TSPAN18: variants seen among roughly 807,000 people sequenced by gnomAD.
The protein encoded by TSPAN18 is tetraspanin-18.
A neutral mutation model predicts 27.3 loss-of-function variants in TSPAN18; 14 were observed. That is an observed-to-expected ratio of 0.51 (90% CI 0.34 to 0.80). TSPAN18 has a LOEUF of 0.80. TSPAN18 is among the 30% of genes least tolerant of loss of function. The pLI is 0.01. For synonymous variants in TSPAN18, 143 were observed against 136.5 expected, an observed-to-expected ratio of 1.05 and a Z score of -0.33; for missense variants, 268 against 323.9, an observed-to-expected ratio of 0.83 and a Z score of 1.32.
intron 5 of TSPAN18, among the ~76,000 whole-genome samples, chr11:44,916,154 GAC>G (rs1859900749): frequency 2.0e-5 from 3 of 152,174 alleles, no homozygotes; most frequent in Admixed American, 1.3e-4. Flanking sequence ...GTGCTGAATG[GAC>G]AGATTCTATA....
intron 2 of TSPAN18, among the ~76,000 whole-genome samples, chr11:44,805,928 C>G (rs929469944): frequency 2.0e-5 from 3 of 152,152 alleles, no homozygotes; most frequent in African/African-American, 7.2e-5. Flanking sequence ...AGTACCTACT[C>G]TAATCCAATA....
intron 2 of TSPAN18, among the ~76,000 whole-genome samples, chr11:44,804,512 AAGGAAGGAAAGG>A (rs1268281226): frequency 6.6e-6 from 1 of 152,130 alleles, no homozygotes; most frequent in Non-Finnish European, 1.5e-5. Flanking sequence ...TTGTGGACTG[AAGGAAGGAAAGG>A]AGGGAGGGAA....
intron 2 of TSPAN18, among the ~76,000 whole-genome samples, chr11:44,844,398 G>T (rs1228311440): frequency 6.6e-6 from 1 of 152,142 alleles, no homozygotes; most frequent in African/African-American, 2.4e-5. Context: ...TGTGTCTTGT[G>T]TTTAGCTTTA....
chr11:44,753,408 G>A (rs1855258124), intron 1 of TSPAN18, among the ~76,000 whole-genome samples: 1 of 152,080 alleles, frequency 6.6e-6, no homozygotes, highest in South Asian at 2.1e-4. Context: ...GGGATTACAG[G>A]CGTTTGAGCC....
chr11:44,888,230 G>A (rs1279781399), intron 3 of TSPAN18, among the ~76,000 whole-genome samples: 1 of 152,182 alleles, frequency 6.6e-6, no homozygotes, highest in African/African-American at 2.4e-5. Flanking sequence ...GCAGCCATGT[G>A]CCTTCTGGCA....
rs528621234 is a variant in TSPAN18 at position 44,871,369 on chromosome 11, T to C, written c.-11+10900T>C. 3.3e-5 allele frequency among the ~76,000 whole-genome samples: 5 copies of C among 152,236 alleles called. No individual in the cohort carries two copies. In the South Asian group the frequency reaches 1.0e-3, roughly 32 times the overall value. On this transcript the variant is annotated intron_variant, in intron 3 of 9. Transcript: ENST00000520358. ...TTTTCTTATAAGGGCACTAATCTTATTCATGAGGGCTCCATCCTCATGACC... is the reference window on the plus strand; with the variant it reads ...TTTTCTTATAAGGGCACTAATCTTACTCATGAGGGCTCCATCCTCATGACC...
chr11:44,730,624 C>CTT (rs1277542808), intron 1 of TSPAN18, among the ~76,000 whole-genome samples: 12 of 140,536 alleles, frequency 8.5e-5, no homozygotes, highest in African/African-American at 1.0e-4. Context: ...TCATGAAACA[C>CTT]TTTTTTTTTT....
rs1855424160 is a variant in TSPAN18 at position 44,760,343 on chromosome 11, A to AGCC, written c.-239-4082_-239-4080dup. ...AGACAACAGTAAGGAGGGTGAGCCC[A>AGCC]GCCAGGGACTGGCAGGTTCTATGAG... On this transcript the variant is annotated intron_variant, in intron 1 of 9. Transcript: ENST00000520358. Among the ~76,000 whole-genome samples, 8 of 152,366 alleles carry AGCC rather than the reference A, an allele frequency of 5.3e-5. No homozygotes were observed. In the South Asian group the frequency reaches 1.7e-3, roughly 32 times the overall value.
At chr11:44,762,494 C>T (rs140707342) in intron 1 of TSPAN18, among the ~76,000 whole-genome samples, 189 of 152,278 alleles carry the variant, frequency 1.2e-3, no homozygotes, top group Non-Finnish European at 2.2e-3. Flanking sequence ...AGAGCGTTTG[C>T]AGTGGTTCTC....
chr11:44,834,334 G>T (rs1175191560), intron 2 of TSPAN18, among the ~76,000 whole-genome samples: 1 of 152,200 alleles, frequency 6.6e-6, no homozygotes, highest in East Asian at 1.9e-4. Context: ...GCCTAAGCTG[G>T]GGCTTTTTGT....
intron 3 of TSPAN18, among the ~76,000 whole-genome samples, chr11:44,874,666 T>G (rs996351122): frequency 3.3e-5 from 5 of 152,178 alleles, no homozygotes; most frequent in Non-Finnish European, 7.4e-5. Context: ...GCCGGAGAAC[T>G]AATTGCATGC....
At chr11:44,802,034 A>T (rs1355573532) in intron 2 of TSPAN18, among the ~76,000 whole-genome samples, 1 of 152,134 alleles carries the variant, frequency 6.6e-6, no homozygotes, top group Non-Finnish European at 1.5e-5. Context: ...CTTGTCTCGA[A>T]CATAAAAAGA....
At chr11:44,844,729 A>G (rs1308695675) in intron 2 of TSPAN18, among the ~76,000 whole-genome samples, 1 of 152,214 alleles carries the variant, frequency 6.6e-6, no homozygotes, top group Non-Finnish European at 1.5e-5. Flanking sequence ...TATTTCGGAT[A>G]TAAGTCTTTT....
intron 4 of TSPAN18, among the ~76,000 whole-genome samples, chr11:44,907,826 G>A (rs1015112376): frequency 5.9e-5 from 9 of 152,066 alleles, no homozygotes; most frequent in East Asian, 1.9e-4. Context: ...AGGCAGAGGC[G>A]GGTGGATCAC....
chr11:44,915,896 G>T (rs1025290209), intron 5 of TSPAN18, among the ~76,000 whole-genome samples: 2 of 152,192 alleles, frequency 1.3e-5, no homozygotes, highest in African/African-American at 4.8e-5. Context: ...GAGAGCAGAA[G>T]CCTGTGTCGG....
chr11:44,763,057 C>G (rs1236227795), intron 1 of TSPAN18, among the ~76,000 whole-genome samples: 1 of 152,202 alleles, frequency 6.6e-6, no homozygotes, highest in Non-Finnish European at 1.5e-5. Flanking sequence ...TAACCTTGGG[C>G]AAGTTATTTA....
chr11:44,832,261 A>G (rs1242714003), intron 2 of TSPAN18, among the ~76,000 whole-genome samples: 1 of 152,146 alleles, frequency 6.6e-6, no homozygotes, highest in African/African-American at 2.4e-5. Context: ...CCTCCTTTCC[A>G]TCAGTATGCA....
In TSPAN18 at chr11:44,884,814, C is replaced by T. The variant is rs77507173; in HGVS notation, c.-10-21593C>T. On this transcript the variant is annotated intron_variant, in intron 3 of 9. Transcript: ENST00000520358. The stretch of plus-strand genomic sequence containing the variant: ...CTGCACAGCCACATGGGGCTTGAAC[C>T]CAGCTTTCTGGATAGGCAGTTCTGT... Among the ~76,000 whole-genome samples, 1,252 of 152,306 alleles carry T rather than the reference C, an allele frequency of 8.2e-3. 23 individuals are homozygous for T. The highest frequency in any genetic ancestry group is 0.028 in the African/African-American group (1,177 of 41,562).
At chr11:44,890,742 C>CAAAAAAA (rs60185116) in intron 3 of TSPAN18, among the ~76,000 whole-genome samples, 1 of 80,460 alleles carries the variant, frequency 1.2e-5, no homozygotes, top group African/African-American at 4.6e-5. Context: ...GACTCCAACT[C>CAAAAAAA]AAAAAAAAAA....
Sources: gnomAD v4.1 joint callset for allele counts (sites outside exome capture counted in the v4.1 genomes callset) on GRCh38, gnomAD v4.1.1 for gene constraint, MANE v1.5 for transcripts, NCBI Gene and HGNC (gene_info 2026-07-23, HGNC 2026-07-21) for gene names.